Variants in DERL1 observed in about 807,000 individuals in gnomAD.
DERL1 encodes the protein derlin-1.
A neutral mutation model predicts 41.6 loss-of-function variants in DERL1; 24 were observed. The ratio of observed to expected loss-of-function variants is 0.58; its 90% CI spans 0.42 to 0.81. The LOEUF (loss-of-function observed/expected upper bound fraction) is 0.81, where lower values mean the gene tolerates loss of function less well. Among genes scored for constraint, DERL1 ranks in the 30% least tolerant of loss-of-function variants. DERL1 has a pLI of 0.00. For synonymous variants in DERL1, 124 were observed against 112.5 expected, an observed-to-expected ratio of 1.10 and a Z score of -0.65; for missense variants, 260 against 314.3, an observed-to-expected ratio of 0.83 and a Z score of 1.31.
In DERL1 at chr8:123,023,714, T is replaced by C; in HGVS notation, c.356A>G (p.Gln119Arg). ...TAGATAGTTTAAATGGACACTTACC[T>C]GCATATCCATTGCTAAGCCAGTAAT... ...IVITGLAMDM[Q>R]LLMIPLIMSV... The change falls in exon 4 of 8, where the codon CAG becomes CGG. Residue 119 changes from glutamine to arginine, a missense_variant and splice_region_variant. Gln to Arg is a conservative substitution (Grantham distance 43, BLOSUM62 1). Transcript: ENST00000259512. The C allele has an allele frequency of 6.2e-7, 1 of 1,607,812 alleles. No individual in the cohort carries two copies. The highest frequency in any genetic ancestry group is 8.5e-7 in the Non-Finnish European group (1 of 1,177,144).
chr8:123,015,547 C>A lies in DERL1; in HGVS notation c.656G>T (p.Gly219Val). Residue 219 changes from glycine (G) to valine (V), a missense_variant, in exon 8 of 8, where the codon GGA becomes GTA. Transcript: ENST00000259512. ...CATGCTAGCAGGGGGCACACCAAAT[C>A]CTGATACTCCTCCTCTCCTACTGGG... ...WLPSRRGGVS[G>V]FGVPPASMRR... The A allele has an allele frequency of 2.5e-6, 4 of 1,612,340 alleles. No individual in the cohort carries two copies. Among genetic ancestry groups the A allele is most frequent in the Non-Finnish European group, 3.4e-6 (4 of 1,179,278 alleles).
chr8:123,021,404 T>C (rs755485224), intron 6 of DERL1, 43 bp downstream of exon 6: 16 of 1,559,140 alleles, frequency 1.0e-5, no homozygotes, highest in Non-Finnish European at 1.4e-5. Context: ...ATGGAAATTT[T>C]CCAAGGATTA....
intron 6 of DERL1, 145 bp from the exon 7 acceptor site, chr8:123,019,450 G>A: frequency 3.2e-6 from 2 of 626,576 alleles, no homozygotes; most frequent in Non-Finnish European, 5.6e-6. Flanking sequence ...CACTTTTGTA[G>A]TCTGAGTGGC....
chr8:123,030,324 G>A (rs1417583735), intron 2 of DERL1: 1 of 261,288 alleles, frequency 3.8e-6, no homozygotes, highest in Non-Finnish European at 7.1e-6. Context: ...AAGGCACACA[G>A]CTCAGCCACT....
intron 1 of DERL1, among the ~76,000 whole-genome samples, chr8:123,041,606 C>CA (rs776037870): frequency 6.6e-6 from 1 of 152,236 alleles, no homozygotes; most frequent in Non-Finnish European, 1.5e-5. Flanking sequence ...ACGTGGGTGA[C>CA]AGAGGGAGGT....
At chr8:123,019,000 A>G (rs1814682438) in intron 7 of DERL1, 195 bp downstream of exon 7, 1 of 602,554 alleles carries the variant, frequency 1.7e-6, no homozygotes, top group African/African-American at 1.9e-5. Flanking sequence ...TAAAAGAGTA[A>G]CAGGAAGGCA....
At chr8:123,031,772 T>C (rs1169683089) in intron 1 of DERL1, among the ~76,000 whole-genome samples, 2 of 152,200 alleles carry the variant, frequency 1.3e-5, no homozygotes, top group Non-Finnish European at 2.9e-5. Flanking sequence ...TTCATAGTAT[T>C]CCTTGTATGT....
At chr8:123,025,151 G>A in intron 2 of DERL1, 101 bp from the exon 3 acceptor site, 1 of 1,255,708 alleles carries the variant, frequency 8.0e-7, no homozygotes, top group Non-Finnish European at 1.1e-6. Flanking sequence ...AAGCCAAAAT[G>A]AGAACATTTT....
intron 2 of DERL1, among the ~76,000 whole-genome samples, chr8:123,029,428 T>C (rs1390484009): frequency 1.3e-5 from 2 of 152,118 alleles, no homozygotes; most frequent in Non-Finnish European, 2.9e-5. Context: ...TAAGGAAAAA[T>C]GTTACTTGAC....
In DERL1 at chr8:123,030,598, A is replaced by T. The variant is rs1812800364; in HGVS notation, c.265+7T>A. 6.5e-7 allele frequency: 1 copy of T among 1,542,116 alleles called. No homozygotes were observed. On this transcript the variant is annotated splice_region_variant and intron_variant, in intron 2 of 7. Transcript: ENST00000259512. ...AACAATGCTTAAAACAACTATGGGT[A>T]ACATACCTGTTTCAAGTCGCGTAGA...
At chr8:123,039,184 C>T (rs1812993397) in intron 1 of DERL1, among the ~76,000 whole-genome samples, 1 of 152,186 alleles carries the variant, frequency 6.6e-6, no homozygotes, top group Admixed American at 6.5e-5. Flanking sequence ...ATCTCTCTGG[C>T]CTCCTAACTG....
chr8:123,021,609 C>A, intron 5 of DERL1, 110 bp from the exon 6 acceptor site: 1 of 980,684 alleles, frequency 1.0e-6, no homozygotes, highest in Non-Finnish European at 1.6e-6. Flanking sequence ...TTATATAAAT[C>A]CTCTGGAAGG....
chr8:123,041,691 G>C (rs1169958815), intron 1 of DERL1, among the ~76,000 whole-genome samples: 2 of 152,156 alleles, frequency 1.3e-5, no homozygotes, highest in Admixed American at 1.3e-4. Context: ...TAATCTCACT[G>C]CTTCCTTCAC....
intron 2 of DERL1, among the ~76,000 whole-genome samples, chr8:123,028,935 T>C (rs1586465553): frequency 1.3e-5 from 2 of 151,794 alleles, no homozygotes; most frequent in African/African-American, 4.8e-5. Flanking sequence ...GGTGTGGCGG[T>C]TTAACACCCA....
chr8:123,042,167 C>G lies in DERL1; in HGVS notation c.-45G>C. On this transcript the variant is annotated 5_prime_UTR_variant, in exon 1 of 8. Transcript: ENST00000259512. ...AAGATGCACAAGACCGCCCGACTCC[C>G]CGTGCCGACCCCCTCACGACGCGGC... 6.5e-7 allele frequency: 1 copy of G among 1,537,906 alleles called. No individual in the cohort carries two copies. The highest frequency in any genetic ancestry group is 8.8e-7 in the Non-Finnish European group (1 of 1,136,582).
chr8:123,025,219 A>G (rs555285530), intron 2 of DERL1, among the ~76,000 whole-genome samples, 169 bp from the exon 3 acceptor site: 15 of 152,344 alleles, frequency 9.8e-5, no homozygotes, highest in African/African-American at 2.9e-4. Context: ...AACGTCCCCA[A>G]TAAAGCCCTG....
intron 1 of DERL1, among the ~76,000 whole-genome samples, chr8:123,037,232 A>T (rs923249929): frequency 2.6e-5 from 4 of 152,070 alleles, no homozygotes; most frequent in Admixed American, 1.3e-4. Context: ...TATTACAAAC[A>T]TTTTTCTATG....
In DERL1 at chr8:123,041,896, T is replaced by C. The variant is rs1421427123; in HGVS notation, c.153+74A>G. On this transcript the variant is annotated intron_variant, in intron 1 of 7. Coordinates refer to ENST00000259512, the MANE Select transcript of DERL1 (RefSeq NM_024295.6). ...CAGCAGGCACCGCGCGCCCGCAACA[T>C]GCCAGCCTACGCTTAGCCGCCGCTG... The C allele has an allele frequency of 1.2e-5, 18 of 1,470,720 alleles. No homozygotes were observed. In the East Asian group the frequency reaches 4.1e-4, roughly 33 times the overall value. 91.1% of individuals were successfully genotyped at this position (1,470,720 alleles called of 1,614,324 possible).
At chr8:123,025,185 G>A (rs1479232600) in intron 2 of DERL1, 135 bp from the exon 3 acceptor site, 10 of 888,888 alleles carry the variant, frequency 1.1e-5, no homozygotes, top group Non-Finnish European at 1.7e-5. Flanking sequence ...CTCTAAAAAA[G>A]TGAATTTTTA....
Sources: allele counts gnomAD v4.1 joint callset (sites outside exome capture counted in the v4.1 genomes callset), GRCh38; gene constraint gnomAD v4.1.1; transcripts MANE v1.5; gene names NCBI Gene and HGNC (gene_info 2026-07-23, HGNC 2026-07-21).